The following SYCP1 variants were observed in gnomAD, a reference collection of about 807,000 sequenced individuals.
The protein encoded by SYCP1 is cancer/testis antigen 8.
In SYCP1, 64 loss-of-function variants were observed where a neutral mutation model predicts 153.1. That is an observed-to-expected ratio of 0.42 (90% CI 0.34 to 0.51). The LOEUF (loss-of-function observed/expected upper bound fraction) is 0.51. Among genes scored for constraint, SYCP1 ranks in the 20% least tolerant of loss-of-function variants. The probability of loss-of-function intolerance (pLI) is 0.06; values close to 1 mark genes in which losing one functional copy is unlikely to be tolerated. For missense variants in SYCP1, 997 were observed against 1,049.0 expected (o/e 0.95, Z 0.68); for synonymous variants, 384 against 341.8 (o/e 1.12, Z -1.36).
rs187887290 is a variant in SYCP1, at chr1:114,958,452, A to G, written c.2322+11132A>G. Among the ~76,000 whole-genome samples the G allele has an allele frequency of 1.2e-3, 187 of 152,326 alleles. 1 individual carries two copies. The highest frequency in any genetic ancestry group is 4.4e-3 in the African/African-American group (181 of 41,570). ...TAGGAGAAGAATTGGAATATTCCCA[A>G]CACAAAGAAATGATAAATGTTTGAG... On this transcript the variant is annotated intron_variant, in intron 27 of 31. Transcript: ENST00000369522.
At chr1:114,981,566 G>T in intron 29 of SYCP1, 54 bp downstream of exon 29, 5 of 1,462,952 alleles carry the variant, frequency 3.4e-6, no homozygotes, top group Non-Finnish European at 4.6e-6. Context: ...AATAAATAAA[G>T]TTCTGTTATC....
chr1:114,980,025 G>T (rs1673050709), intron 28 of SYCP1, among the ~76,000 whole-genome samples: 1 of 151,762 alleles, frequency 6.6e-6, no homozygotes, highest in African/African-American at 2.4e-5. Context: ...GTGCTCTAGA[G>T]AATTCAGAGA....
Position 114,995,155 on chromosome 1 carries a change from T to TA in SYCP1, c.*136_*137insA, listed in dbSNP as rs1338804901. ...ACTTGCATGAATGATTTGTGTTTCTTTATATTTTTAGCCTAAATGTTAACT... is the reference window on the plus strand; with the variant it reads ...ACTTGCATGAATGATTTGTGTTTCTTATATATTTTTAGCCTAAATGTTAACT... On this transcript the variant is annotated 3_prime_UTR_variant, in exon 32 of 32. Transcript: ENST00000369522. 13 of 871,804 alleles carry TA rather than the reference T, an allele frequency of 1.5e-5. No individual in the cohort carries two copies. The highest frequency in any genetic ancestry group is 2.0e-5 in the Non-Finnish European group (12 of 609,326). 54.0% of individuals were successfully genotyped at this position (871,804 alleles called of 1,614,324 possible).
chr1:114,985,637 A>AT (rs1199901646), intron 30 of SYCP1, among the ~76,000 whole-genome samples: 5 of 151,880 alleles, frequency 3.3e-5, no homozygotes, highest in Admixed American at 6.6e-5. Flanking sequence ...TTCTATTTTC[A>AT]TTTTTTTCTG....
intron 21 of SYCP1, among the ~76,000 whole-genome samples, chr1:114,924,256 T>C (rs1230773867): frequency 6.6e-6 from 1 of 152,166 alleles, no homozygotes; most frequent in African/African-American, 2.4e-5. Flanking sequence ...TAAAAAAATC[T>C]TGGAGAGGAC....
At chr1:114,906,711 T>G (rs1557788454) in intron 16 of SYCP1, among the ~76,000 whole-genome samples, 1 of 152,210 alleles carries the variant, frequency 6.6e-6, no homozygotes, top group African/African-American at 2.4e-5. Flanking sequence ...GGTCAGAGAA[T>G]GTACTTTTGT....
chr1:114,992,361 A>G lies in SYCP1; in HGVS notation c.2704-2337A>G, dbSNP rs189625944. On this transcript the variant is annotated intron_variant, in intron 30 of 31. Transcript: ENST00000369522. ...TAAAACAATCTTGAAAAATAAGGAT[A>G]GAGTTGGAGGACTCACAGTTCCTAA... Among the ~76,000 whole-genome samples, 18 of 151,904 alleles carry G rather than the reference A, an allele frequency of 1.2e-4. No homozygotes were observed. In the East Asian group the frequency reaches 3.3e-3, roughly 28 times the overall value.
intron 8 of SYCP1, among the ~76,000 whole-genome samples, chr1:114,869,970 G>A (rs1241026219): frequency 1.3e-5 from 2 of 151,960 alleles, no homozygotes; most frequent in Admixed American, 1.3e-4. Context: ...GTTAAAAATT[G>A]TTATATCTCC....
rs1430914392 is a variant in SYCP1 at position 114,860,750 on chromosome 1, G to A, written c.539G>A (p.Arg180Lys). 6.3e-7 allele frequency: 1 copy of A among 1,594,518 alleles called. No individual in the cohort carries two copies. Among genetic ancestry groups the A allele is most frequent in the Non-Finnish European group, 8.5e-7 (1 of 1,173,476 alleles). ...KDLIKENNAT[R>K]HLCNLLKETC... is the part of the protein sequence containing the mutation. ...CTTTGTTTCAGGAATAATGCCACAAGGCATTTATGTAATCTACTCAAAGAA... is the reference window on the plus strand; with the variant it reads ...CTTTGTTTCAGGAATAATGCCACAAAGCATTTATGTAATCTACTCAAAGAA... The change falls in exon 8 of 32, where the codon AGG becomes AAG. Residue 180 changes from arginine (R) to lysine (K), a missense_variant. Transcript: ENST00000369522.
At chr1:114,914,699 A>C (rs574087308) in intron 20 of SYCP1, among the ~76,000 whole-genome samples, 16 of 152,168 alleles carry the variant, frequency 1.1e-4, no homozygotes, top group African/African-American at 3.9e-4. Context: ...TGGACAGTCC[A>C]CTTTTGCTTT....
intron 30 of SYCP1, among the ~76,000 whole-genome samples, chr1:114,989,884 A>G (rs770830931): frequency 3.3e-5 from 5 of 152,012 alleles, no homozygotes; most frequent in Non-Finnish European, 5.9e-5. Flanking sequence ...GAAGGGAGAA[A>G]CAGACAGTTC....
intron 16 of SYCP1, among the ~76,000 whole-genome samples, chr1:114,904,090 A>G (rs1351355005): frequency 6.6e-6 from 1 of 151,406 alleles, no homozygotes; most frequent in Non-Finnish European, 1.5e-5. Context: ...ACATTTCCAT[A>G]TAAATTTTAT....
At chr1:114,969,824 A>G (rs1302200404) in intron 27 of SYCP1, among the ~76,000 whole-genome samples, 6 of 152,148 alleles carry the variant, frequency 3.9e-5, no homozygotes, top group African/African-American at 1.4e-4. Flanking sequence ...AACCATAAGA[A>G]AAACATAGTA....
At chr1:114,992,340 A>G (rs1488643469) in intron 30 of SYCP1, among the ~76,000 whole-genome samples, 2 of 151,756 alleles carry the variant, frequency 1.3e-5, no homozygotes, top group Non-Finnish European at 2.9e-5. Context: ...AAAGGCTAAA[A>G]CAATCTTGAA....
At chr1:114,981,921 A>T (rs1673182308) in intron 29 of SYCP1, among the ~76,000 whole-genome samples, 1 of 152,014 alleles carries the variant, frequency 6.6e-6, no homozygotes, top group African/African-American at 2.4e-5. Context: ...TTATAGCATC[A>T]CCACAGTTAC....
At position 114,855,266 on chromosome 1, in the gene SYCP1, C is replaced by T. The variant is rs562487084; in HGVS notation, c.-24-175C>T. 52 of 364,906 alleles carry T rather than the reference C, an allele frequency of 1.4e-4. 1 individual carries two copies. The South Asian group carries it at 2.9e-3, about 20-fold the overall frequency. The allele number at this position is 364,906 out of a possible 1,614,324, so 22.6% of individuals were successfully genotyped here. On this transcript the variant is annotated intron_variant, in intron 1 of 31. Transcript: ENST00000369522. ...GGGAGAAGGAAACGAGGGTTTATTC[C>T]GTTGCCCACTCCGCGGTAAGCGACG...
chr1:114,923,606 T>TA (rs1433404742), intron 21 of SYCP1, 76 bp downstream of exon 21: 1 of 1,357,446 alleles, frequency 7.4e-7, no homozygotes, highest in African/African-American at 1.5e-5. Context: ...TAAACTAAAA[T>TA]AAAGGGAAGT....
In SYCP1 at chr1:114,966,214, T is replaced by C. The variant is rs140697363; in HGVS notation, c.2323-11343T>C. On this transcript the variant is annotated intron_variant, in intron 27 of 31. Transcript: ENST00000369522. ...ATCCCCTTTATCATTTTTTATTGTG[T>C]CTATTTGATTTTTCTCTCTTTTCCT... Among the ~76,000 whole-genome samples, 3 of 152,252 alleles carry C rather than the reference T, an allele frequency of 2.0e-5. No homozygotes were observed. The East Asian group carries it at 5.8e-4, about 29-fold the overall frequency.
At chr1:114,926,657 T>A (rs1438928957) in intron 23 of SYCP1, 94 bp downstream of exon 23, 1 of 1,065,008 alleles carries the variant, frequency 9.4e-7, no homozygotes, top group Admixed American at 2.9e-5. Flanking sequence ...ATAAATTCAA[T>A]TTATACCATA....
Sources: allele counts gnomAD v4.1 joint callset (sites outside exome capture counted in the v4.1 genomes callset), GRCh38; gene constraint gnomAD v4.1.1; transcripts MANE v1.5; gene names NCBI Gene and HGNC (gene_info 2026-07-23, HGNC 2026-07-21).